Variants in SLC16A7 observed in about 807,000 individuals in gnomAD.
SLC16A7 encodes monocarboxylate transporter 2.
SLC16A7 carries 33 observed loss-of-function variants against 34.9 expected under a neutral mutation model. That is an observed-to-expected ratio of 0.94 (90% confidence interval 0.72 to 1.26). The LOEUF (loss-of-function observed/expected upper bound fraction) is 1.26. Ranked by LOEUF, SLC16A7 falls within the 50% of genes most tolerant of loss-of-function variation. SLC16A7 has a pLI of 0.00. For synonymous variants in SLC16A7, 201 were observed against 206.6 expected, an observed-to-expected ratio of 0.97 and a Z score of 0.23; for missense variants, 573 against 578.1, an observed-to-expected ratio of 0.99 and a Z score of 0.09.
intron 2 of SLC16A7, among the ~76,000 whole-genome samples, chr12:59,678,302 A>G (rs566410169): frequency 6.6e-6 from 1 of 152,260 alleles, no homozygotes; most frequent in South Asian, 2.1e-4. Context: ...TCCTGTGTCC[A>G]GGAAGAATGA....
intron 1 of SLC16A7, among the ~76,000 whole-genome samples, chr12:59,604,035 A>G (rs901992305): frequency 6.6e-6 from 1 of 152,168 alleles, no homozygotes; most frequent in Non-Finnish European, 1.5e-5. Context: ...TGTTTTCTCT[A>G]TCAATTTAAC....
At chr12:59,631,655 G>A (rs572844287) in intron 1 of SLC16A7, among the ~76,000 whole-genome samples, 2 of 152,062 alleles carry the variant, frequency 1.3e-5, no homozygotes, top group South Asian at 4.1e-4. Context: ...CAATAGTCCA[G>A]CATGTATTGG....
At chr12:59,685,542 A>C (rs796173971) in intron 2 of SLC16A7, among the ~76,000 whole-genome samples, 10 of 152,262 alleles carry the variant, frequency 6.6e-5, no homozygotes, top group African/African-American at 2.4e-4. Context: ...TTTATGACAT[A>C]TTTTGTGGCT....
intron 1 of SLC16A7, among the ~76,000 whole-genome samples, chr12:59,615,009 TAAATAAATAA>T: frequency 6.6e-6 from 1 of 150,388 alleles, no homozygotes; most frequent in Admixed American, 6.6e-5. Flanking sequence ...TCTCAAAAAA[TAAATAAATAA>T]AAATAAATAA....
intron 2 of SLC16A7, among the ~76,000 whole-genome samples, chr12:59,672,715 T>A (rs562232698): frequency 1.3e-5 from 2 of 152,298 alleles, no homozygotes; most frequent in South Asian, 4.1e-4. Context: ...CAGCAACATG[T>A]TGATTCTTTG....
intron 1 of SLC16A7, among the ~76,000 whole-genome samples, chr12:59,654,721 A>G (rs905077209): frequency 6.6e-6 from 1 of 151,800 alleles, no homozygotes; most frequent in African/African-American, 2.4e-5. Context: ...TCACACTCAC[A>G]TATATTTTTG....
intron 1 of SLC16A7, among the ~76,000 whole-genome samples, chr12:59,618,929 C>T (rs1435226274): frequency 6.6e-6 from 1 of 151,920 alleles, no homozygotes; most frequent in Non-Finnish European, 1.5e-5. Flanking sequence ...AAGTTTAATG[C>T]TGATATAATT....
intron 1 of SLC16A7, among the ~76,000 whole-genome samples, chr12:59,607,236 A>T (rs1377005236): frequency 1.3e-5 from 2 of 152,334 alleles, no homozygotes; most frequent in African/African-American, 2.4e-5. Flanking sequence ...GAAGACATTA[A>T]TGAAACAAGT....
At chr12:59,757,640 C>T (rs968433124) in intron 3 of SLC16A7, among the ~76,000 whole-genome samples, 3 of 151,990 alleles carry the variant, frequency 2.0e-5, no homozygotes, top group African/African-American at 7.2e-5. Context: ...CAAAGTTACA[C>T]CGTGTGCCTG....
At chr12:59,655,403 T>C (rs1180673544) in intron 2 of SLC16A7, among the ~76,000 whole-genome samples, 153 bp downstream of exon 2, 1 of 151,990 alleles carries the variant, frequency 6.6e-6, no homozygotes, top group Non-Finnish European at 1.5e-5. Flanking sequence ...TTAAAGTTGG[T>C]ACTTTTAGCT....
intron 3 of SLC16A7, among the ~76,000 whole-genome samples, chr12:59,750,090 A>G (rs1879344137): frequency 6.6e-6 from 1 of 152,172 alleles, no homozygotes; most frequent in Non-Finnish European, 1.5e-5. Context: ...ACTTAAATAT[A>G]AGACTTTAAA....
intron 2 of SLC16A7, among the ~76,000 whole-genome samples, chr12:59,686,281 T>C (rs953868650): frequency 8.6e-5 from 13 of 152,004 alleles, no homozygotes; most frequent in Non-Finnish European, 1.3e-4. Context: ...AGAGAACTAT[T>C]TTAGTGTCAT....
chr12:59,700,477 ATAT>A (rs1214510461), intron 2 of SLC16A7, among the ~76,000 whole-genome samples: 1 of 149,236 alleles, frequency 6.7e-6, no homozygotes, highest in Non-Finnish European at 1.5e-5. Context: ...TATATTTGAA[ATAT>A]TAATAATTGT....
chr12:59,746,061 A>G (rs1038733832), intron 3 of SLC16A7, among the ~76,000 whole-genome samples: 2 of 152,230 alleles, frequency 1.3e-5, no homozygotes, highest in African/African-American at 4.8e-5. Context: ...AAGGAGAACC[A>G]TAATCAATAA....
At chr12:59,756,170 G>A (rs1026237951) in intron 3 of SLC16A7, among the ~76,000 whole-genome samples, 1 of 152,122 alleles carries the variant, frequency 6.6e-6, no homozygotes, top group Middle Eastern at 3.2e-3. Flanking sequence ...GAAAATCTAG[G>A]CATTACCATT....
chr12:59,720,318 T>C, intron 3 of SLC16A7: 1 of 507,672 alleles, frequency 2.0e-6, no homozygotes, highest in East Asian at 3.4e-5. Context: ...GTTTTTAGTC[T>C]TGTGAGACCA....
intron 2 of SLC16A7, among the ~76,000 whole-genome samples, chr12:59,672,040 C>A (rs371360537): frequency 0.98 from 405 of 414 alleles, 201 homozygotes; most frequent in South Asian, 1. Context: ...TCGCATATAT[C>A]CGTATATATG....
intron 1 of SLC16A7, among the ~76,000 whole-genome samples, chr12:59,630,847 G>A (rs1158486627): frequency 2.0e-5 from 3 of 151,822 alleles, no homozygotes; most frequent in Non-Finnish European, 4.4e-5. Context: ...GTATTCACAA[G>A]GAGAAGGCCT....
intron 4 of SLC16A7, 31 bp downstream of exon 4, chr12:59,771,393 A>G: frequency 6.8e-7 from 1 of 1,468,132 alleles, no homozygotes; most frequent in Non-Finnish European, 9.2e-7. Context: ...CTTATTCTTA[A>G]CTCTTCTGTT....
Sources: gnomAD v4.1 joint callset for allele counts (sites outside exome capture counted in the v4.1 genomes callset) on GRCh38, gnomAD v4.1.1 for gene constraint, MANE v1.5 for transcripts, NCBI Gene and HGNC (gene_info 2026-07-23, HGNC 2026-07-21) for gene names.